Variants in GMDS observed in about 807,000 individuals in gnomAD.
GMDS encodes the protein GDP-mannose 4,6-dehydratase.
A neutral mutation model predicts 49.9 loss-of-function variants in GMDS; 20 were observed. That is an observed-to-expected ratio of 0.40 (90% CI 0.28 to 0.58). GMDS has a LOEUF of 0.58. Among genes scored for constraint, GMDS ranks in the 20% least tolerant of loss-of-function variants. GMDS has a pLI of 0.42. For synonymous variants in GMDS, 177 were observed against 178.6 expected (o/e 0.99, Z 0.07); for missense variants, 362 against 481.4 (o/e 0.75, Z 2.32).
At chr6:1,624,440 A>T (rs753818796) in intron 10 of GMDS, 32 bp downstream of exon 10, 2 of 1,586,848 alleles carry the variant, frequency 1.3e-6, no homozygotes, top group African/African-American at 1.3e-5. Context: ...GGGGCCCCGC[A>T]GCGGGCGGCG....
At chr6:1,675,162 C>A (rs1764575089) in intron 9 of GMDS, among the ~76,000 whole-genome samples, 1 of 152,112 alleles carries the variant, frequency 6.6e-6, no homozygotes, top group Non-Finnish European at 1.5e-5. Context: ...GTCTCCAACT[C>A]CTGACCTCAG....
chr6:1,945,956 G>GT (rs765457865), intron 6 of GMDS, among the ~76,000 whole-genome samples: 111 of 152,052 alleles, frequency 7.3e-4, no homozygotes, highest in Admixed American at 9.8e-4. Context: ...CCATGAAACA[G>GT]TTTTTTTTAA....
intron 7 of GMDS, among the ~76,000 whole-genome samples, chr6:1,857,266 A>G (rs1757979783): frequency 6.6e-6 from 1 of 152,214 alleles, no homozygotes; most frequent in South Asian, 2.1e-4. Context: ...CCCACTTCAA[A>G]AAATCACCTG....
chr6:1,910,088 T>G (rs1156533695), intron 7 of GMDS, among the ~76,000 whole-genome samples: 2 of 152,176 alleles, frequency 1.3e-5, no homozygotes, highest in Non-Finnish European at 2.9e-5. Flanking sequence ...ATGCTTAATA[T>G]TTGGGATTTA....
At chr6:1,916,611 TCC>T (rs529344654) in intron 7 of GMDS, among the ~76,000 whole-genome samples, 178 of 152,198 alleles carry the variant, frequency 1.2e-3, no homozygotes, top group Middle Eastern at 3.4e-3. Flanking sequence ...TTAGGAAGAA[TCC>T]TACTGAAATG....
At chr6:1,999,985 A>ATATATATATTT (rs1554144036) in intron 4 of GMDS, among the ~76,000 whole-genome samples, 52 of 10,882 alleles carry the variant, frequency 4.8e-3, no homozygotes, top group Non-Finnish European at 6.2e-3. Flanking sequence ...TATATATTTT[A>ATATATATATTT]TATATATATA....
intron 6 of GMDS, among the ~76,000 whole-genome samples, chr6:1,949,318 C>A (rs1489045293): frequency 6.6e-6 from 1 of 151,724 alleles, no homozygotes; most frequent in Admixed American, 6.6e-5. Flanking sequence ...GTGACGTGCC[C>A]AAATGCACAC....
At chr6:1,681,187 C>T (rs1480354608) in intron 9 of GMDS, among the ~76,000 whole-genome samples, 1 of 151,974 alleles carries the variant, frequency 6.6e-6, no homozygotes, top group Non-Finnish European at 1.5e-5. Flanking sequence ...AGGCGATGAG[C>T]ACAGGGCATG....
chr6:1,848,031 G>A (rs553961213), intron 7 of GMDS, among the ~76,000 whole-genome samples: 2 of 152,274 alleles, frequency 1.3e-5, no homozygotes, highest in East Asian at 1.9e-4. Flanking sequence ...AAGTGACATC[G>A]AAATGAGACT....
intron 7 of GMDS, among the ~76,000 whole-genome samples, chr6:1,908,695 G>A (rs955783555): frequency 1.3e-5 from 2 of 152,170 alleles, no homozygotes; most frequent in African/African-American, 4.8e-5. Flanking sequence ...ACTGCTGCTC[G>A]AAGGCTTGAT....
At chr6:1,912,964 C>A (rs1554132674) in intron 7 of GMDS, among the ~76,000 whole-genome samples, 1 of 152,232 alleles carries the variant, frequency 6.6e-6, no homozygotes, top group Non-Finnish European at 1.5e-5. Flanking sequence ...ACCTCTGCCA[C>A]ACAAACTATA....
rs1388820246 is a variant in GMDS, at chr6:1,727,862, CGCA to C, written c.891-1353_891-1351del. On this transcript the variant is annotated intron_variant, in intron 8 of 10. Coordinates refer to ENST00000380815, the MANE Select transcript of GMDS (RefSeq NM_001500.4). ...TCCTGTGACACAGAGAATTATATAGCGCAGTATGTTGAATAATATACAGCTGTA... is the reference window on the plus strand; with the variant it reads ...TCCTGTGACACAGAGAATTATATAGCGTATGTTGAATAATATACAGCTGTA... 8.5e-5 allele frequency among the ~76,000 whole-genome samples: 13 copies of C among 152,250 alleles called. No individual in the cohort carries two copies. The East Asian group carries it at 2.5e-3, about 29-fold the overall frequency.
chr6:2,150,195 T>C (rs1282618639), intron 1 of GMDS, among the ~76,000 whole-genome samples: 1 of 152,062 alleles, frequency 6.6e-6, no homozygotes, highest in Non-Finnish European at 1.5e-5. Flanking sequence ...ATTAACGGTA[T>C]TTGGAACTGA....
At chr6:1,665,760 TAC>T (rs2113263597) in intron 9 of GMDS, among the ~76,000 whole-genome samples, 1 of 152,302 alleles carries the variant, frequency 6.6e-6, no homozygotes, top group African/African-American at 2.4e-5. Context: ...TGTGCCTTGC[TAC>T]ACATAATAGC....
intron 7 of GMDS, among the ~76,000 whole-genome samples, chr6:1,758,982 GCACGATCT>G (rs1262329028): frequency 6.6e-6 from 1 of 152,148 alleles, no homozygotes; most frequent in African/African-American, 2.4e-5. Context: ...GAGTGTAGTG[GCACGATCT>G]CAGCTCACTG....
At chr6:1,810,224 G>A (rs185898609) in intron 7 of GMDS, among the ~76,000 whole-genome samples, 4 of 152,350 alleles carry the variant, frequency 2.6e-5, no homozygotes, top group Middle Eastern at 3.4e-3. Flanking sequence ...GCACACCAGA[G>A]GGAGGGAACT....
intron 4 of GMDS, among the ~76,000 whole-genome samples, chr6:2,098,747 T>C (rs547148014): frequency 1.2e-4 from 19 of 152,270 alleles, no homozygotes; most frequent in Non-Finnish European, 2.2e-4. Context: ...CTTGACAGTA[T>C]GAAATGCCAC....
intron 4 of GMDS, among the ~76,000 whole-genome samples, chr6:2,039,605 T>A (rs930346077): frequency 6.6e-6 from 1 of 152,072 alleles, no homozygotes; most frequent in East Asian, 1.9e-4. Flanking sequence ...GATTTTTTGT[T>A]AGAAATGAAG....
rs1756955668 is a variant in GMDS, at chr6:1,836,998, G to C, written c.771+93105C>G. Among the ~76,000 whole-genome samples, 1 of 152,222 alleles carries C rather than the reference G, an allele frequency of 6.6e-6. No individual in the cohort carries two copies. Among genetic ancestry groups the C allele is most frequent in the Non-Finnish European group, 1.5e-5 (1 of 68,042 alleles). ...GCTAAAAATTCATATACAGGAAGTG[G>C]AAGTCTTTATATTTCATTTCAGTTT... On this transcript the variant is annotated intron_variant, in intron 7 of 10. Transcript: ENST00000380815. This position sits in a 1 kb window ranked among gnomAD's most constrained non-coding sequence, Gnocchi z 4.2.
Sources: gnomAD v4.1 joint callset for allele counts (sites outside exome capture counted in the v4.1 genomes callset) on GRCh38, gnomAD v4.1.1 for gene constraint, Gnocchi (gnomAD v3.1) non-coding constraint, MANE v1.5 for transcripts, NCBI Gene and HGNC (gene_info 2026-07-23, HGNC 2026-07-21) for gene names.